The following PRKCA variants were observed in gnomAD, a reference collection of about 807,000 sequenced individuals.
PRKCA encodes protein kinase C alpha.
PRKCA carries 27 observed loss-of-function variants against 87.0 expected under a neutral mutation model. That is an observed-to-expected ratio of 0.31 (90% CI 0.23 to 0.43). The LOEUF is 0.43. Among genes scored for constraint, PRKCA ranks in the 20% least tolerant of loss-of-function variants. The probability of loss-of-function intolerance (pLI) is 1.00; values close to 1 mark genes in which losing one functional copy is unlikely to be tolerated. For missense variants in PRKCA, 518 were observed against 852.3 expected (o/e 0.61, Z 4.88); for synonymous variants, 329 against 311.1 (o/e 1.06, Z -0.61).
In PRKCA at chr17:66,454,371, G is replaced by A. The variant is rs73993700; in HGVS notation, c.206-41830G>A. Among the ~76,000 whole-genome samples the A allele has an allele frequency of 6.9e-3, 1,045 of 152,318 alleles. 14 individuals are homozygous for A. Among genetic ancestry groups the A allele is most frequent in the African/African-American group, 0.024 (990 of 41,562 alleles). ...CCAGGTAACAGCAAAGACCATGGAG[G>A]TGAGTGTCATGGAATTTGGGATAAA... On this transcript the variant is annotated intron_variant, in intron 2 of 16. Transcript: ENST00000413366.
chr17:66,365,296 A>G (rs1908642788), intron 2 of PRKCA, among the ~76,000 whole-genome samples: 1 of 152,150 alleles, frequency 6.6e-6, no homozygotes, highest in Non-Finnish European at 1.5e-5. Context: ...TATTAAATGT[A>G]TTCTACGGGA....
At chr17:66,776,392 C>G (rs1035344505) in intron 14 of PRKCA, among the ~76,000 whole-genome samples, 7 of 152,070 alleles carry the variant, frequency 4.6e-5, no homozygotes, top group African/African-American at 1.2e-4. Flanking sequence ...CTCACTGCAC[C>G]CTCCGCCTCC....
At chr17:66,499,772 AT>A (rs1236715410) in intron 3 of PRKCA, among the ~76,000 whole-genome samples, 3 of 152,110 alleles carry the variant, frequency 2.0e-5, no homozygotes, top group South Asian at 4.2e-4. Context: ...GATTAGATGA[AT>A]TTTTTTTAAT....
At chr17:66,620,740 C>T (rs912759280) in intron 3 of PRKCA, among the ~76,000 whole-genome samples, 4 of 152,164 alleles carry the variant, frequency 2.6e-5, no homozygotes, top group East Asian at 1.9e-4. Context: ...AGCTCACTAT[C>T]GGCAGTCCAC....
intron 5 of PRKCA, among the ~76,000 whole-genome samples, chr17:66,665,614 G>A (rs562945695): frequency 2.6e-5 from 4 of 152,212 alleles, no homozygotes; most frequent in African/African-American, 9.6e-5. Flanking sequence ...CTGGAGTGGG[G>A]TAGAGTACTT....
At chr17:66,616,461 T>G (rs1024464860) in intron 3 of PRKCA, among the ~76,000 whole-genome samples, 1 of 152,170 alleles carries the variant, frequency 6.6e-6, no homozygotes, top group Non-Finnish European at 1.5e-5. Flanking sequence ...ACTTGATTAT[T>G]TATTGATTCC....
rs930965263 is a variant in PRKCA, at chr17:66,548,156, C to T, written c.288+51873C>T. On this transcript the variant is annotated intron_variant, in intron 3 of 16. Transcript: ENST00000413366. ...TTGTTCGGGGGGATTTCCTTGAAGTCGACAGTGGAAGAACATTATAAAGCA... is the reference window on the plus strand; with the variant it reads ...TTGTTCGGGGGGATTTCCTTGAAGTTGACAGTGGAAGAACATTATAAAGCA... 6.6e-5 allele frequency among the ~76,000 whole-genome samples: 10 copies of T among 152,082 alleles called. 1 individual carries two copies. The highest frequency in any genetic ancestry group is 6.2e-4 in the South Asian group (3 of 4,826).
intron 2 of PRKCA, among the ~76,000 whole-genome samples, chr17:66,446,706 C>T (rs1375216448): frequency 6.6e-6 from 1 of 152,160 alleles, no homozygotes; most frequent in African/African-American, 2.4e-5. Context: ...TTCAGTCTTA[C>T]CTATGACTCA....
At chr17:66,774,748 G>T (rs1975010479) in intron 14 of PRKCA, 4 of 985,562 alleles carry the variant, frequency 4.1e-6, no homozygotes, top group Non-Finnish European at 4.8e-6. Context: ...CTGCCAATGT[G>T]TGTAATTAGT....
intron 2 of PRKCA, among the ~76,000 whole-genome samples, chr17:66,371,439 T>C (rs1909102315): frequency 6.6e-6 from 1 of 152,204 alleles, no homozygotes; most frequent in African/African-American, 2.4e-5. Flanking sequence ...GGGTGAGATT[T>C]GAACCTGAGA....
At chr17:66,566,480 GTTTTTTTT>G (rs56912157) in intron 3 of PRKCA, among the ~76,000 whole-genome samples, 3 of 97,022 alleles carry the variant, frequency 3.1e-5, no homozygotes, top group Non-Finnish European at 2.0e-5. Flanking sequence ...TTGTTTTTTG[GTTTTTTTT>G]TTTTTTTTTT....
At chr17:66,563,060 T>C (rs1226696777) in intron 3 of PRKCA, among the ~76,000 whole-genome samples, 1 of 152,070 alleles carries the variant, frequency 6.6e-6, no homozygotes, top group East Asian at 1.9e-4. Flanking sequence ...TGTTTTAGGG[T>C]TATAGGAAAA....
intron 13 of PRKCA, among the ~76,000 whole-genome samples, chr17:66,769,774 T>C (rs1974890857): frequency 6.6e-6 from 1 of 152,242 alleles, no homozygotes; most frequent in Non-Finnish European, 1.5e-5. Context: ...GCCAAGACAT[T>C]GGGTCTTGTG....
At chr17:66,498,927 C>T (rs1916601355) in intron 3 of PRKCA, among the ~76,000 whole-genome samples, 1 of 152,134 alleles carries the variant, frequency 6.6e-6, no homozygotes, top group African/African-American at 2.4e-5. Context: ...ATTTTGGGCA[C>T]AGGCTTAGGA....
chr17:66,745,356 T>C (rs1974247745), intron 13 of PRKCA, among the ~76,000 whole-genome samples: 1 of 152,212 alleles, frequency 6.6e-6, no homozygotes, highest in African/African-American at 2.4e-5. Context: ...GTGACCACCT[T>C]CTATTGTCTA....
At chr17:66,649,969 GA>G (rs1223884570) in intron 5 of PRKCA, among the ~76,000 whole-genome samples, 1 of 152,216 alleles carries the variant, frequency 6.6e-6, no homozygotes, top group Non-Finnish European at 1.5e-5. Flanking sequence ...GAGAGAGTCA[GA>G]GGGCTGTGGG....
intron 2 of PRKCA, among the ~76,000 whole-genome samples, chr17:66,385,020 T>C (rs1909979877): frequency 6.6e-6 from 1 of 152,190 alleles, no homozygotes; most frequent in South Asian, 2.1e-4. Context: ...TAAAACTGAT[T>C]TCTTGTGCAG....
chr17:66,637,415 TTGGTGC>T (rs1336514267), intron 3 of PRKCA, among the ~76,000 whole-genome samples: 1 of 152,216 alleles, frequency 6.6e-6, no homozygotes, highest in East Asian at 1.9e-4. Context: ...GTATTTTTAA[TTGGTGC>T]TGGCACCAAC....
intron 14 of PRKCA, among the ~76,000 whole-genome samples, chr17:66,785,871 C>T (rs983856753): frequency 5.3e-5 from 8 of 152,246 alleles, no homozygotes; most frequent in Non-Finnish European, 1.2e-4. Context: ...CTCTGTCACC[C>T]AGGCTGGAGT....
Sources: gnomAD v4.1 joint callset for allele counts (sites outside exome capture counted in the v4.1 genomes callset) on GRCh38, gnomAD v4.1.1 for gene constraint, MANE v1.5 for transcripts, NCBI Gene and HGNC (gene_info 2026-07-23, HGNC 2026-07-21) for gene names.